FCHSD2: variants seen among roughly 807,000 people sequenced by gnomAD.
FCHSD2 encodes F-BAR and double SH3 domains protein 2.
Under a neutral mutation model 108.1 loss-of-function variants are expected in FCHSD2, and 38 were observed. The observed-to-expected ratio is 0.35, with a 90% CI of 0.27 to 0.46. The LOEUF is 0.46. Ranked by LOEUF, FCHSD2 falls within the 20% of genes least tolerant of loss-of-function variation. The pLI, the probability that FCHSD2 is intolerant of heterozygous loss-of-function variation, is 1.00. For synonymous variants in FCHSD2, 279 were observed against 314.7 expected, an observed-to-expected ratio of 0.89 and a Z score of 1.20; for missense variants, 751 against 897.8, an observed-to-expected ratio of 0.84 and a Z score of 2.09.
chr11:73,132,542 G>T (rs944138973), intron 2 of FCHSD2, among the ~76,000 whole-genome samples: 2 of 152,152 alleles, frequency 1.3e-5, no homozygotes, highest in African/African-American at 2.4e-5. Flanking sequence ...CTCAGGTGAA[G>T]ACAGGCACTG....
intron 8 of FCHSD2, among the ~76,000 whole-genome samples, chr11:72,933,780 G>C (rs1181715944): frequency 3.3e-5 from 5 of 152,062 alleles, no homozygotes; most frequent in Non-Finnish European, 7.4e-5. Flanking sequence ...CAATCCAAAA[G>C]CTGCATATAT....
intron 2 of FCHSD2, among the ~76,000 whole-genome samples, chr11:73,107,206 C>T (rs1240688937): frequency 6.6e-6 from 1 of 152,104 alleles, no homozygotes; most frequent in East Asian, 1.9e-4. Flanking sequence ...AGGCATGCGC[C>T]ACCATACCCA....
chr11:72,871,665 G>T (rs1422504175), intron 12 of FCHSD2, among the ~76,000 whole-genome samples: 1 of 152,062 alleles, frequency 6.6e-6, no homozygotes, highest in East Asian at 1.9e-4. Context: ...GCTCACTTGA[G>T]TCCAGGAGTT....
At chr11:73,059,720 CT>C (rs144510546) in intron 3 of FCHSD2, among the ~76,000 whole-genome samples, 1 of 151,368 alleles carries the variant, frequency 6.6e-6, no homozygotes, top group Non-Finnish European at 1.5e-5. Context: ...GGTTTTCTTT[CT>C]TTTTTTTTCT....
At chr11:73,061,742 T>G (rs1412526027) in intron 3 of FCHSD2, among the ~76,000 whole-genome samples, 1 of 152,214 alleles carries the variant, frequency 6.6e-6, no homozygotes, top group African/African-American at 2.4e-5. Flanking sequence ...GCAAGGCTGC[T>G]GTGGCCAGAC....
At chr11:72,846,993 T>C (rs1379201892) in intron 14 of FCHSD2, among the ~76,000 whole-genome samples, 2 of 152,174 alleles carry the variant, frequency 1.3e-5, no homozygotes, top group African/African-American at 4.8e-5. Flanking sequence ...CAAATTTAAA[T>C]TTTTTTAAAA....
intron 13 of FCHSD2, among the ~76,000 whole-genome samples, chr11:72,858,861 T>A (rs1411523876): frequency 2.6e-5 from 4 of 152,158 alleles, no homozygotes; most frequent in Non-Finnish European, 5.9e-5. Context: ...TAACCTCCTG[T>A]CAGAAACAAC....
chr11:73,017,547 CGA>C (rs1858000946), intron 3 of FCHSD2, among the ~76,000 whole-genome samples: 1 of 152,084 alleles, frequency 6.6e-6, no homozygotes. Context: ...AAGTTCCTCC[CGA>C]ACTTGGCAAC....
At chr11:72,918,648 C>T (rs1308501788) in intron 9 of FCHSD2, among the ~76,000 whole-genome samples, 2 of 152,000 alleles carry the variant, frequency 1.3e-5, no homozygotes, top group African/African-American at 4.8e-5. Flanking sequence ...CTTTTATCTA[C>T]TTTTTTTGGT....
chr11:72,917,141 C>T lies in FCHSD2; in HGVS notation c.828+4687G>A, dbSNP rs113694306. On this transcript the variant is annotated intron_variant, in intron 9 of 19. Coordinates refer to ENST00000409418, the MANE Select transcript of FCHSD2 (RefSeq NM_014824.3). ...CTGGGACTACAGGCACCCACCACCA[C>T]GCCCAGCCAATTTTTGTATTTTTAG... Among the ~76,000 whole-genome samples the T allele has an allele frequency of 5.4e-3, 823 of 152,144 alleles. 4 individuals are homozygous for T. The highest frequency in any genetic ancestry group is 0.014 in the South Asian group (67 of 4,816).
intron 5 of FCHSD2, among the ~76,000 whole-genome samples, chr11:72,995,090 T>C (rs546410257): frequency 3.9e-4 from 59 of 152,362 alleles, no homozygotes; most frequent in African/African-American, 1.4e-3. Flanking sequence ...TGTGGCCTTA[T>C]GTTTCTCACT....
intron 5 of FCHSD2, among the ~76,000 whole-genome samples, chr11:72,992,567 C>T (rs965217628): frequency 6.6e-6 from 1 of 152,132 alleles, no homozygotes; most frequent in Admixed American, 6.6e-5. Flanking sequence ...GAGATATAGA[C>T]CAATGGAACC....
At chr11:73,121,547 G>A (rs1272630247) in intron 2 of FCHSD2, among the ~76,000 whole-genome samples, 2 of 151,946 alleles carry the variant, frequency 1.3e-5, no homozygotes, top group Non-Finnish European at 2.9e-5. Context: ...CTCTTGGGTT[G>A]CTAAGATTTA....
intron 2 of FCHSD2, among the ~76,000 whole-genome samples, chr11:73,115,043 T>C (rs1474097519): frequency 6.6e-6 from 1 of 152,208 alleles, no homozygotes; most frequent in African/African-American, 2.4e-5. Flanking sequence ...CAAGTTTATG[T>C]AGGGCCTACA....
At chr11:72,842,305 C>T (rs1347594053) in intron 17 of FCHSD2, among the ~76,000 whole-genome samples, 1 of 152,234 alleles carries the variant, frequency 6.6e-6, no homozygotes, top group Non-Finnish European at 1.5e-5. Flanking sequence ...CAGAGCAACG[C>T]CTTCCCTCTT....
chr11:72,849,370 T>G (rs1861226574), intron 14 of FCHSD2, among the ~76,000 whole-genome samples: 1 of 152,144 alleles, frequency 6.6e-6, no homozygotes, highest in Admixed American at 6.6e-5. Flanking sequence ...CAAAGAAATA[T>G]GAAAATAAAT....
rs569868031 is a variant in FCHSD2 at position 72,973,418 on chromosome 11, GAT to G, written c.705+10668_705+10669del. ...AAAAGAAAATGGGTAAGTTATTTAT[GAT>G]ATATATATACAATGAAATACTATAT... On this transcript the variant is annotated intron_variant, in intron 8 of 19. Coordinates refer to ENST00000409418, the MANE Select transcript of FCHSD2 (RefSeq NM_014824.3). Among the ~76,000 whole-genome samples, 6 of 151,954 alleles carry G rather than the reference GAT, an allele frequency of 3.9e-5. No individual in the cohort carries two copies. In the East Asian group the frequency reaches 1.2e-3, roughly 29 times the overall value.
chr11:73,101,257 A>G (rs919078458), intron 2 of FCHSD2, among the ~76,000 whole-genome samples: 6 of 152,224 alleles, frequency 3.9e-5, no homozygotes, highest in African/African-American at 1.2e-4. Context: ...AATAGATTGC[A>G]TAAGAGCAAC....
chr11:72,889,241 G>A (rs946599742), intron 11 of FCHSD2, among the ~76,000 whole-genome samples: 2 of 152,184 alleles, frequency 1.3e-5, no homozygotes, highest in African/African-American at 2.4e-5. Flanking sequence ...GATTACAGGC[G>A]TGAGCCACCG....
Sources: gnomAD v4.1 joint callset for allele counts (sites outside exome capture counted in the v4.1 genomes callset) on GRCh38, gnomAD v4.1.1 for gene constraint, MANE v1.5 for transcripts, NCBI Gene and HGNC (gene_info 2026-07-23, HGNC 2026-07-21) for gene names.